The following TTC8 variants were observed in gnomAD, a reference collection of about 807,000 sequenced individuals.
TTC8 encodes the protein tetratricopeptide repeat protein 8.
In TTC8, 47 loss-of-function variants were observed where a neutral mutation model predicts 72.5. The observed-to-expected ratio is 0.65, with a 90% CI of 0.51 to 0.83. TTC8 has a LOEUF of 0.83. Among genes scored for constraint, TTC8 ranks in the 40% least tolerant of loss-of-function variants. The pLI is 0.00. For missense variants in TTC8, 611 were observed against 623.2 expected (o/e 0.98, Z 0.21); for synonymous variants, 199 against 221.4 (o/e 0.90, Z 0.90).
At chr14:88,859,857 C>T in intron 9 of TTC8, among the ~76,000 whole-genome samples, 1 of 134,288 alleles carries the variant, frequency 7.4e-6, no homozygotes, top group South Asian at 2.3e-4. Context: ...AATATATAAT[C>T]ATATATAATA....
intron 13 of TTC8, among the ~76,000 whole-genome samples, 177 bp from the exon 14 acceptor site, chr14:88,874,849 T>C (rs1475777786): frequency 1.3e-5 from 2 of 152,174 alleles, no homozygotes; most frequent in Non-Finnish European, 2.9e-5. Context: ...CAGTAGTTAA[T>C]TGTATTTCAT....
chr14:88,854,334 C>T lies in TTC8; in HGVS notation c.710+1278C>T, dbSNP rs138352127. Among the ~76,000 whole-genome samples, 215 of 152,296 alleles carry T rather than the reference C, an allele frequency of 1.4e-3. 2 individuals carry two copies. The highest frequency in any genetic ancestry group is 4.7e-3 in the African/African-American group (195 of 41,562). ...TATCCTTCTTTTCTGTTCTTTAATA[C>T]CTGCCCATCTTTATGACATATTCAG... On this transcript the variant is annotated intron_variant, in intron 8 of 14. Coordinates refer to ENST00000380656, the MANE Select transcript of TTC8 (RefSeq NM_144596.4).
At chr14:88,873,216 C>A (rs1037864728) in intron 13 of TTC8, among the ~76,000 whole-genome samples, 1 of 152,250 alleles carries the variant, frequency 6.6e-6, no homozygotes, top group South Asian at 2.1e-4. Flanking sequence ...CACTGACTTG[C>A]AGACACATCG....
chr14:88,854,913 C>T (rs927006787), intron 8 of TTC8, among the ~76,000 whole-genome samples: 1 of 152,152 alleles, frequency 6.6e-6, no homozygotes, highest in Non-Finnish European at 1.5e-5. Context: ...TCTTGAACCC[C>T]TGGACTCACA....
chr14:88,858,113 C>T (rs1401516583), intron 9 of TTC8, among the ~76,000 whole-genome samples: 14 of 152,082 alleles, frequency 9.2e-5, no homozygotes, highest in Non-Finnish European at 1.9e-4. Context: ...AGATGCACAC[C>T]ACCATGCCTA....
chr14:88,848,123 CAAAAAAAAAAAAA>C (rs58210253), intron 7 of TTC8, among the ~76,000 whole-genome samples: 4 of 17,690 alleles, frequency 2.3e-4, no homozygotes, highest in South Asian at 2.2e-3. Context: ...AACTCTGTCT[CAAAAAAAAAAAAA>C]AAAAAAAAAA....
chr14:88,859,505 G>A (rs56676141), intron 9 of TTC8, among the ~76,000 whole-genome samples: 51,348 of 151,736 alleles, frequency 0.34, 8,955 homozygotes, highest in Non-Finnish European at 0.39. Context: ...GCAGACACTG[G>A]GGCCTCCGAG....
chr14:88,843,265 C>T (rs2094790584), intron 6 of TTC8, among the ~76,000 whole-genome samples: 1 of 152,106 alleles, frequency 6.6e-6, no homozygotes, highest in African/African-American at 2.4e-5. Flanking sequence ...TGATATGTGC[C>T]CCACCGCCAG....
chr14:88,872,962 C>G (rs567149027), intron 13 of TTC8, among the ~76,000 whole-genome samples: 1 of 152,298 alleles, frequency 6.6e-6, no homozygotes, highest in South Asian at 2.1e-4. Flanking sequence ...CCTAGCTGGT[C>G]TTTTTGTTTC....
At position 88,848,048 on chromosome 14, in the gene TTC8, G is replaced by A. The variant is rs111833409; in HGVS notation, c.624+4198G>A. Among the ~76,000 whole-genome samples, 8 of 150,458 alleles carry A rather than the reference G, an allele frequency of 5.3e-5. No individual in the cohort carries two copies. In the East Asian group the frequency reaches 7.8e-4, roughly 15 times the overall value. On this transcript the variant is annotated intron_variant, in intron 7 of 14. Coordinates refer to ENST00000380656, the MANE Select transcript of TTC8 (RefSeq NM_144596.4). The stretch of plus-strand genomic sequence containing the variant: ...TGAGGCAGGAGAATTGCTTGAACCC[G>A]GGAGGCAGAGGTTGCCGTGAGCCCA...
chr14:88,857,337 C>A, intron 9 of TTC8, 60 bp downstream of exon 9: 1 of 1,390,434 alleles, frequency 7.2e-7, no homozygotes, highest in Non-Finnish European at 1.0e-6. Context: ...TAAATTCTGG[C>A]CATTGCATGG....
In TTC8 at chr14:88,871,166, T is replaced by C. The variant is rs2094932156; in HGVS notation, c.1050-383T>C. Among the ~76,000 whole-genome samples, 1 of 152,232 alleles carries C rather than the reference T, an allele frequency of 6.6e-6. No homozygotes were observed. Among genetic ancestry groups the C allele is most frequent in the South Asian group, 2.1e-4 (1 of 4,834 alleles). On this transcript the variant is annotated intron_variant, in intron 11 of 14. Transcript: ENST00000380656. This position sits in a 1 kb window ranked among gnomAD's most constrained non-coding sequence, Gnocchi z 4.1. Reference sequence around the variant, plus strand: ...CAGCTGAAAACGTAGAGGTTAATGCTAAACGCAGTCCTCAAATTAGATTAG... The same window carrying C: ...CAGCTGAAAACGTAGAGGTTAATGCCAAACGCAGTCCTCAAATTAGATTAG...
Position 88,875,052 on chromosome 14 carries a change from A to G in TTC8, c.1374A>G (p.Ser458=). The G allele has an allele frequency of 3.7e-6, 6 of 1,612,888 alleles. No individual in the cohort carries two copies. Among genetic ancestry groups the G allele is most frequent in the Non-Finnish European group, 5.1e-6 (6 of 1,179,618 alleles). Reference sequence around the variant, plus strand: ...CAAGGGCACTATTACAAACTGCATCATCATTAGCACCCCATATGTATGAAC... The same window carrying G: ...CAAGGGCACTATTACAAACTGCATCGTCATTAGCACCCCATATGTATGAAC... ...EQARALLQTA[S]SLAPHMYEPH... The change falls in exon 14 of 15, where the codon TCA becomes TCG. Residue 458 remains serine (S), a synonymous_variant. Transcript: ENST00000380656.
chr14:88,845,570 T>C (rs1448056199), intron 7 of TTC8, among the ~76,000 whole-genome samples: 1 of 152,192 alleles, frequency 6.6e-6, no homozygotes, highest in East Asian at 1.9e-4. Context: ...TAAATAAAAG[T>C]CAGCCATTTT....
rs148285224 is a variant in TTC8, at chr14:88,874,568, G to C, written c.1348-458G>C. Among the ~76,000 whole-genome samples, 209 of 152,164 alleles carry C rather than the reference G, an allele frequency of 1.4e-3. 1 individual carries two copies. Among genetic ancestry groups the C allele is most frequent in the African/African-American group, 4.8e-3 (199 of 41,514 alleles). ...ACTGTCATCCAGCACAGAATTTTGGGCTTTGAAATTTACAATGGTTTTTTT... is the reference window on the plus strand; with the variant it reads ...ACTGTCATCCAGCACAGAATTTTGGCCTTTGAAATTTACAATGGTTTTTTT... On this transcript the variant is annotated intron_variant, in intron 13 of 14. Coordinates refer to ENST00000380656, the MANE Select transcript of TTC8 (RefSeq NM_144596.4).
chr14:88,866,417 A>ACACG (rs1555394049), intron 10 of TTC8, among the ~76,000 whole-genome samples: 1 of 142,926 alleles, frequency 7.0e-6, no homozygotes, highest in Non-Finnish European at 1.6e-5. Flanking sequence ...ACACACACGC[A>ACACG]CACACAAATT....
At chr14:88,880,542 T>C (rs1270575491), downstream of TTC8, 1 of 152,192 alleles carries the variant, frequency 6.6e-6, no homozygotes, top group African/African-American at 2.4e-5. Flanking sequence ...AAAGCAACCG[T>C]GTTATCTTGG....
chr14:88,829,884 A>G (rs930025254), intron 1 of TTC8, among the ~76,000 whole-genome samples: 8 of 152,188 alleles, frequency 5.3e-5, no homozygotes, highest in Non-Finnish European at 7.4e-5. Context: ...TCGTGTGATT[A>G]TCTAATTGGT....
upstream of TTC8, chr14:88,824,340 G>T: frequency 3.8e-6 from 1 of 260,522 alleles, no homozygotes; most frequent in Non-Finnish European, 7.6e-6. Flanking sequence ...GGACTCTTCC[G>T]GACCTGCAGG....
Sources: gnomAD v4.1 joint callset for allele counts (sites outside exome capture counted in the v4.1 genomes callset) on GRCh38, gnomAD v4.1.1 for gene constraint, Gnocchi (gnomAD v3.1) non-coding constraint, MANE v1.5 for transcripts, NCBI Gene and HGNC (gene_info 2026-07-23, HGNC 2026-07-21) for gene names.